KLHDC2: variants seen among roughly 807,000 people sequenced by gnomAD.
The protein encoded by KLHDC2 is kelch domain-containing protein 2.
A neutral mutation model predicts 62.3 loss-of-function variants in KLHDC2; 38 were observed. The ratio of observed to expected loss-of-function variants is 0.61; its 90% CI spans 0.47 to 0.80. The LOEUF (loss-of-function observed/expected upper bound fraction) is 0.80, where lower values mean the gene tolerates loss of function less well. KLHDC2 is among the 30% of genes least tolerant of loss of function. The pLI is 0.00. For synonymous variants in KLHDC2, 159 were observed against 161.0 expected, an observed-to-expected ratio of 0.99 and a Z score of 0.09; for missense variants, 430 against 495.3, an observed-to-expected ratio of 0.87 and a Z score of 1.25.
chr14:49,774,308 A>G (rs1427272800), intron 2 of KLHDC2, among the ~76,000 whole-genome samples: 1 of 152,222 alleles, frequency 6.6e-6, no homozygotes. Flanking sequence ...GAATAATAAA[A>G]TATGACTTAG....
At position 49,778,564 on chromosome 14, in the gene KLHDC2, A is replaced by G. The variant is rs980858856; in HGVS notation, c.633+70A>G. The G allele has an allele frequency of 1.2e-5, 8 of 665,016 alleles. No individual in the cohort carries two copies. In the African/African-American group the frequency reaches 1.3e-4, roughly 11 times the overall value. The allele number at this position is 665,016 out of a possible 1,614,324, so 41.2% of individuals were successfully genotyped here. A position where few individuals can be genotyped will look rare whatever the true frequency, so the allele number is the denominator to read the frequency against. ...AGTGGGGAGGGGTGGGGTAGGGGAG[A>G]GGGGTGCACCAGAGTTGGAAGATAC... On this transcript the variant is annotated intron_variant, in intron 6 of 12. Coordinates refer to ENST00000298307, the MANE Select transcript of KLHDC2 (RefSeq NM_014315.3).
rs531431201 is a variant in KLHDC2 at position 49,783,239 on chromosome 14, A to C, written c.*286A>C. On this transcript the variant is annotated 3_prime_UTR_variant, in exon 13 of 13. Transcript: ENST00000298307. ...GTAACTTCAGGATATGTATCTGTAGAAACATTATAGTCTTACCATCATCAA... is the reference window on the plus strand; with the variant it reads ...GTAACTTCAGGATATGTATCTGTAGCAACATTATAGTCTTACCATCATCAA... 4.1e-6 allele frequency: 1 copy of C among 241,734 alleles called. No homozygotes were observed. Among genetic ancestry groups the C allele is most frequent in the South Asian group, 1.3e-4 (1 of 7,454 alleles). The allele number at this position is 241,734 out of a possible 1,614,324, so 15.0% of individuals were successfully genotyped here.
chr14:49,769,101 A>T (rs2139786718), intron 1 of KLHDC2: 1 of 153,596 alleles, frequency 6.5e-6, no homozygotes, highest in African/African-American at 2.4e-5. Context: ...GGTTACAGGA[A>T]CCACCTTATT....
chr14:49,782,308 T>C, intron 10 of KLHDC2, 62 bp from the exon 11 acceptor site: 1 of 999,910 alleles, frequency 1.0e-6, no homozygotes, highest in Non-Finnish European at 1.6e-6. Context: ...CTCTATTCTG[T>C]AGTATAAAAT....
rs754038955 is a variant in KLHDC2 at position 49,780,254 on chromosome 14, C to T, written c.815C>T (p.Ser272Leu). Reference sequence around the variant, plus strand: ...TGCCCAGTTGGTCGATCTTGGCACTCACTAACACCAGTTTCTTCAGATCAT... The same window carrying T: ...TGCCCAGTTGGTCGATCTTGGCACTTACTAACACCAGTTTCTTCAGATCAT... Reference protein sequence around the residue: ...GICPVGRSWHSLTPVSSDHLF... With the variant: ...GICPVGRSWHLLTPVSSDHLF... The change falls in exon 9 of 13, where the codon TCA becomes TTA. Residue 272 changes from serine to leucine, a missense_variant. By Grantham distance (145) the Ser-to-Leu change is moderately radical. Coordinates refer to ENST00000298307, the MANE Select transcript of KLHDC2 (RefSeq NM_014315.3). 6.2e-7 allele frequency: 1 copy of T among 1,613,740 alleles called. No homozygotes were observed. The highest frequency in any genetic ancestry group is 8.5e-7 in the Non-Finnish European group (1 of 1,179,626).
At chr14:49,780,872 G>A in intron 10 of KLHDC2, 97 bp downstream of exon 10, 1 of 739,978 alleles carries the variant, frequency 1.4e-6, no homozygotes, top group East Asian at 2.5e-5. Flanking sequence ...AAAAATCTCA[G>A]CATTCACTAA....
At chr14:49,779,368 G>T (rs1325397797) in intron 6 of KLHDC2, among the ~76,000 whole-genome samples, 2 of 152,118 alleles carry the variant, frequency 1.3e-5, no homozygotes, top group Admixed American at 1.3e-4. Context: ...AAAAAATAAA[G>T]CAGCCTATTG....
intron 3 of KLHDC2, among the ~76,000 whole-genome samples, chr14:49,775,122 A>G (rs1273077353): frequency 1.3e-5 from 2 of 152,244 alleles, no homozygotes; most frequent in African/African-American, 2.4e-5. Context: ...CCCAAAGACA[A>G]TGCTGTTCAG....
chr14:49,777,902 G>A lies in KLHDC2; in HGVS notation c.415G>A (p.Gly139Arg). Residue 139 changes from glycine (G) to arginine (R), a missense_variant, in exon 4 of 13, where the codon GGA (glycine) becomes AGA (arginine). Physicochemically the swap from Gly to Arg is moderately radical, Grantham distance 125. Coordinates refer to ENST00000298307, the MANE Select transcript of KLHDC2 (RefSeq NM_014315.3). Reference sequence around the variant, plus strand: ...ACAGTGGGAAAGAATTGATTGCCAAGGAATTCCTCCATCATCAAAGGACAA... The same window carrying A: ...ACAGTGGGAAAGAATTGATTGCCAAAGAATTCCTCCATCATCAAAGGACAA... ...VLQWERIDCQ[G>R]IPPSSKDKLG... 9.3e-6 allele frequency: 15 copies of A among 1,612,720 alleles called. No homozygotes were observed. Among genetic ancestry groups the A allele is most frequent in the Non-Finnish European group, 1.3e-5 (15 of 1,179,182 alleles).
In KLHDC2 at chr14:49,785,334, A is replaced by ATAAC; in HGVS notation, c.*2382_*2385dup. On this transcript the variant is annotated 3_prime_UTR_variant, in exon 13 of 13. Coordinates refer to ENST00000298307, the MANE Select transcript of KLHDC2 (RefSeq NM_014315.3). ...AAATAGGTTTTCCTAAAAAGGGAAAATAACAGTTACAAAGGCAATTTATAC... is the reference window on the plus strand; with the variant it reads ...AAATAGGTTTTCCTAAAAAGGGAAAATAACTAACAGTTACAAAGGCAATTTATAC... 1 of 1,596,840 alleles carries ATAAC rather than the reference A, an allele frequency of 6.3e-7. No homozygotes were observed.
At position 49,785,364 on chromosome 14, in the gene KLHDC2, CT is replaced by C; in HGVS notation, c.*2414del. 1 of 1,364,814 alleles carries C rather than the reference CT, an allele frequency of 7.3e-7. No homozygotes were observed. The highest frequency in any genetic ancestry group is 1.0e-6 in the Non-Finnish European group (1 of 954,468). The allele number at this position is 1,364,814 out of a possible 1,614,324, so 84.5% of individuals were successfully genotyped here. On this transcript the variant is annotated 3_prime_UTR_variant, in exon 13 of 13. Transcript: ENST00000298307. ...AGTTACAAAGGCAATTTATACCGCC[CT>C]TTACAAAAAATGCTAAAACACTTGA...
intron 2 of KLHDC2, 80 bp from the exon 3 acceptor site, chr14:49,774,481 T>A (rs894085536): frequency 4.6e-6 from 4 of 869,252 alleles, no homozygotes; most frequent in Non-Finnish European, 7.9e-6. Context: ...ATTGTGAGGA[T>A]ATAAGTAGAA....
chr14:49,771,185 C>T (rs1285396090), intron 1 of KLHDC2, among the ~76,000 whole-genome samples: 1 of 152,038 alleles, frequency 6.6e-6, no homozygotes, highest in Non-Finnish European at 1.5e-5. Context: ...CCTGTCTCTA[C>T]TAAAAATACA....
chr14:49,780,664 T>A (rs368361331), intron 9 of KLHDC2, 39 bp from the exon 10 acceptor site: 25 of 1,321,066 alleles, frequency 1.9e-5, no homozygotes, highest in Non-Finnish European at 2.4e-5. Context: ...CAATGTCATA[T>A]TGACAGACTA....
chr14:49,784,307 C>G lies in KLHDC2; in HGVS notation c.*1354C>G, dbSNP rs1170537808. The stretch of plus-strand genomic sequence containing the variant: ...TTACCAAGTCAATAGTTTAAGCAAT[C>G]AAGCCACTTCACTGTTCAGTTTCTT... On this transcript the variant is annotated 3_prime_UTR_variant, in exon 13 of 13. Transcript: ENST00000298307. 1 of 193,462 alleles carries G rather than the reference C, an allele frequency of 5.2e-6. No individual in the cohort carries two copies. Among genetic ancestry groups the G allele is most frequent in the African/African-American group, 2.4e-5 (1 of 42,224 alleles). The allele number at this position is 193,462 out of a possible 1,614,324, so 12.0% of individuals were successfully genotyped here.
chr14:49,777,703 G>A, intron 3 of KLHDC2, 136 bp from the exon 4 acceptor site: 1 of 551,892 alleles, frequency 1.8e-6, no homozygotes, highest in South Asian at 2.6e-5. Context: ...TGAGCAGTCT[G>A]GCAGCCAGTC....
intron 8 of KLHDC2, 189 bp downstream of exon 8, chr14:49,779,995 A>G: frequency 1.6e-6 from 1 of 617,902 alleles, no homozygotes; most frequent in Non-Finnish European, 2.8e-6. Flanking sequence ...TGCCTAGTAC[A>G]TAGCATGTGC....
rs1312155085 is a variant in KLHDC2, at chr14:49,771,662, G to T, written c.222G>T (p.Glu74Asp). The T allele has an allele frequency of 2.0e-6, 3 of 1,497,622 alleles. No individual in the cohort carries two copies. Among genetic ancestry groups the T allele is most frequent in the Admixed American group, 1.7e-5 (1 of 59,826 alleles). 92.8% of individuals were successfully genotyped at this position (1,497,622 alleles called of 1,614,324 possible). A position where few individuals can be genotyped will look rare whatever the true frequency, so the allele number is the denominator to read the frequency against. Residue 74 changes from glutamate to aspartate, a missense_variant, in exon 2 of 13, where the codon GAG becomes GAT. By Grantham distance (45) the Glu-to-Asp change is conservative (BLOSUM62 2). Transcript: ENST00000298307. ...PREELWIYNM[E>D]TGRWKKINTE... ...AAGAACTATGGATCTACAACATGGA[G>T]ACTGGAAGATGGTAAATGTGGATAT...
At chr14:49,781,066 T>C (rs945575474) in intron 10 of KLHDC2, among the ~76,000 whole-genome samples, 2 of 152,182 alleles carry the variant, frequency 1.3e-5, no homozygotes, top group Non-Finnish European at 2.9e-5. Flanking sequence ...TTGAACTGCA[T>C]CTAAGTTTAT....
Sources: gnomAD v4.1 joint callset for allele counts (sites outside exome capture counted in the v4.1 genomes callset) on GRCh38, gnomAD v4.1.1 for gene constraint, MANE v1.5 for transcripts, NCBI Gene and HGNC (gene_info 2026-07-23, HGNC 2026-07-21) for gene names.